AP2A1: variants seen among roughly 807,000 people sequenced by gnomAD.
AP2A1 encodes adaptor related protein complex 2 subunit alpha 1, also known as AP-2 complex subunit alpha-1.
In AP2A1, 21 loss-of-function variants were observed where a neutral mutation model predicts 107.3. The ratio of observed to expected loss-of-function variants is 0.20; its 90% CI spans 0.14 to 0.28. The LOEUF (loss-of-function observed/expected upper bound fraction) is 0.28. AP2A1 is among the 10% of genes least tolerant of loss of function. AP2A1 has a pLI of 1.00. For missense variants in AP2A1, 873 were observed against 1,307.7 expected, an observed-to-expected ratio of 0.67 and a Z score of 5.13; for synonymous variants, 602 against 564.8, an observed-to-expected ratio of 1.07 and a Z score of -0.93.
rs2073255115 is a variant in AP2A1 at position 49,799,818 on chromosome 19, C to CT, written c.1272+53dup. The CT allele has an allele frequency of 1.9e-6, 3 of 1,584,484 alleles. No individual in the cohort carries two copies. The South Asian group carries it at 3.4e-5, about 18-fold the overall frequency. On this transcript the variant is annotated intron_variant, in intron 10 of 22. Coordinates refer to ENST00000354293, the MANE Select transcript of AP2A1 (RefSeq NM_130787.3). ...CTCTTGGGTCTGAGGCAGGAGGTGG[C>CT]TGGGGGCCTGGATTCCTAAGTCTAA...
chr19:49,772,966 G>A (rs891660451), intron 1 of AP2A1, among the ~76,000 whole-genome samples: 25 of 151,850 alleles, frequency 1.6e-4, no homozygotes, highest in African/African-American at 5.1e-4. Flanking sequence ...AAGCAGGAGC[G>A]AGGGAAGAGA....
Position 49,799,538 on chromosome 19 carries a change from A to G in AP2A1, c.1134+43A>G, listed in dbSNP as rs772922267. On this transcript the variant is annotated intron_variant, in intron 9 of 22. Transcript: ENST00000354293. Reference sequence around the variant, plus strand: ...CCACCCCGGGCCTGCCACCCCCCTCAGAAAGACCAGAGGCTCAGAGGCCCT... The same window carrying G: ...CCACCCCGGGCCTGCCACCCCCCTCGGAAAGACCAGAGGCTCAGAGGCCCT... 2.0e-5 allele frequency: 32 copies of G among 1,604,480 alleles called. No homozygotes were observed. In the South Asian group the frequency reaches 3.4e-4, roughly 17 times the overall value.
intron 1 of AP2A1, among the ~76,000 whole-genome samples, chr19:49,774,135 C>G (rs531910964): frequency 2.0e-5 from 3 of 152,314 alleles, no homozygotes; most frequent in Admixed American, 2.0e-4. Flanking sequence ...CCCTTAAGAA[C>G]GGGACAGATG....
Position 49,803,330 on chromosome 19 carries a change from C to A in AP2A1, c.2298C>A (p.Phe766Leu), listed in dbSNP as rs1182953521. 3 of 1,613,818 alleles carry A rather than the reference C, an allele frequency of 1.9e-6. No individual in the cohort carries two copies. The highest frequency in any genetic ancestry group is 2.7e-5 in the African/African-American group (2 of 74,894). ...ATGGCAACAAGACCTCGGTGCAGTT[C>A]CAGAATTTCTCACCCACTGTGGTTC... ...LFYGNKTSVQ[F>L]QNFSPTVVHP... Residue 766 changes from phenylalanine (F) to leucine (L), a missense_variant, in exon 18 of 23, where the codon TTC (phenylalanine) becomes TTA (leucine). Physicochemically the swap from Phe to Leu is conservative, Grantham distance 22 (BLOSUM62 0). This residue lies in a region of AP2A1 where 416 missense variants were observed against 473.4 expected (regional missense o/e 0.88). Coordinates refer to ENST00000354293, the MANE Select transcript of AP2A1 (RefSeq NM_130787.3).
intron 1 of AP2A1, among the ~76,000 whole-genome samples, chr19:49,774,918 CA>C (rs35089200): frequency 0.43 from 52,502 of 120,894 alleles, 9,839 homozygotes; most frequent in African/African-American, 0.55. Flanking sequence ...GACTTTGTCT[CA>C]AAAAAAAAAA....
At chr19:49,769,347 A>G (rs763773562) in intron 1 of AP2A1, among the ~76,000 whole-genome samples, 50 of 152,258 alleles carry the variant, frequency 3.3e-4, no homozygotes, top group East Asian at 1.3e-3. Context: ...CTGATATACA[A>G]CCTCAGGACC....
rs1341197256 is a variant in AP2A1 at position 49,793,240 on chromosome 19, C to T, written c.705+148C>T. 24 of 795,602 alleles carry T rather than the reference C, an allele frequency of 3.0e-5. No homozygotes were observed. The East Asian group carries it at 3.5e-4, about 12-fold the overall frequency. 49.3% of individuals were successfully genotyped at this position (795,602 alleles called of 1,614,324 possible). ...TGAGCTGGATTCATCCTGGCTCGGC[C>T]TCTTCCTGGCTGGGTGGCCCTGGAC... is the stretch of plus-strand genomic sequence containing the variant. On this transcript the variant is annotated intron_variant, in intron 6 of 22. Transcript: ENST00000354293.
intron 15 of AP2A1, 169 bp from the exon 16 acceptor site, chr19:49,802,780 A>T: frequency 9.9e-7 from 1 of 1,011,534 alleles, no homozygotes. Context: ...TTCTATTCCC[A>T]TTGGAGGCCA....
intron 7 of AP2A1, chr19:49,796,280 G>C (rs140604236): frequency 1.3e-5 from 2 of 153,388 alleles, no homozygotes; most frequent in East Asian, 3.8e-4. Context: ...CAGCCAGTGT[G>C]ATATGCACAC....
intron 4 of AP2A1, among the ~76,000 whole-genome samples, chr19:49,790,363 T>C (rs926255595): frequency 6.6e-6 from 1 of 152,198 alleles, no homozygotes; most frequent in African/African-American, 2.4e-5. Context: ...TGGGTCCACC[T>C]GGATCACCCA....
chr19:49,803,410 C>T (rs1038038072), intron 18 of AP2A1, 34 bp downstream of exon 18: 3 of 1,587,678 alleles, frequency 1.9e-6, no homozygotes, highest in African/African-American at 1.3e-5. Context: ...CCTCCTGCCT[C>T]TCCACGTCGG....
At chr19:49,801,326 T>C in intron 12 of AP2A1, 64 bp from the exon 13 acceptor site, 1 of 1,511,526 alleles carries the variant, frequency 6.6e-7, no homozygotes, top group Non-Finnish European at 9.1e-7. Flanking sequence ...GGGGCACCTC[T>C]CGAGGGGGTT....
rs750119739 is a variant in AP2A1 at position 49,806,664 on chromosome 19, C to T, written c.2791-17C>T. The T allele has an allele frequency of 2.4e-5, 39 of 1,612,136 alleles. No individual in the cohort carries two copies. Among genetic ancestry groups the T allele is most frequent in the Non-Finnish European group, 3.1e-5 (37 of 1,179,718 alleles). On this transcript the variant is annotated splice_polypyrimidine_tract_variant and intron_variant, in intron 22 of 22. Transcript: ENST00000354293. ...TCCCCATCTCCTCTGAGTTCTGCCC[C>T]CAATGCCCCCACCCAGATGTACCGG...
At chr19:49,802,576 G>C in intron 15 of AP2A1, 1 of 1,604,352 alleles carries the variant, frequency 6.2e-7, no homozygotes, top group Non-Finnish European at 8.5e-7. Context: ...TGGCTTTGCT[G>C]GCTGACCCAG....
chr19:49,798,020 C>T (rs982805331), intron 7 of AP2A1, among the ~76,000 whole-genome samples: 1 of 152,230 alleles, frequency 6.6e-6, no homozygotes, highest in African/African-American at 2.4e-5. Flanking sequence ...TGCTGTGTGT[C>T]CCATGGTGGC....
chr19:49,770,613 C>G (rs2084546621), intron 1 of AP2A1, among the ~76,000 whole-genome samples: 1 of 152,136 alleles, frequency 6.6e-6, no homozygotes, highest in Admixed American at 6.6e-5. Flanking sequence ...AAAGTGTGGT[C>G]TATGTAGTGG....
chr19:49,803,323 T>G lies in AP2A1; in HGVS notation c.2291T>G (p.Val764Gly), dbSNP rs761984353. ...MYLFYGNKTS[V>G]QFQNFSPTVV... is the part of the protein sequence containing the mutation. ...CTCTTCTATGGCAACAAGACCTCGG[T>G]GCAGTTCCAGAATTTCTCACCCACT... The change falls in exon 18 of 23, where the codon GTG becomes GGG. Residue 764 changes from valine (V) to glycine (G), a missense_variant. This residue lies in a region of AP2A1 where 416 missense variants were observed against 473.4 expected (regional missense o/e 0.88). Transcript: ENST00000354293. 1 of 1,613,908 alleles carries G rather than the reference T, an allele frequency of 6.2e-7. No individual in the cohort carries two copies. Among genetic ancestry groups the G allele is most frequent in the Non-Finnish European group, 8.5e-7 (1 of 1,179,880 alleles).
At chr19:49,798,559 G>T (rs1366815454) in intron 7 of AP2A1, among the ~76,000 whole-genome samples, 4 of 152,198 alleles carry the variant, frequency 2.6e-5, no homozygotes, top group Non-Finnish European at 5.9e-5. Context: ...GTCAGAGCAG[G>T]AGGAGAGCCC....
At position 49,802,556 on chromosome 19, in the gene AP2A1, G is replaced by A. The variant is rs754230824; in HGVS notation, c.2115-393G>A. 112 of 1,606,326 alleles carry A rather than the reference G, an allele frequency of 7.0e-5. No homozygotes were observed. Among genetic ancestry groups the A allele is most frequent in the Non-Finnish European group, 8.5e-5 (100 of 1,179,438 alleles). Reference sequence around the variant, plus strand: ...CAGCGAGCTGGAGCCGCCTGCCCCCGAGAGCCCCATGGCTTTGCTGGCTGA... The same window carrying A: ...CAGCGAGCTGGAGCCGCCTGCCCCCAAGAGCCCCATGGCTTTGCTGGCTGA... On this transcript the variant is annotated intron_variant, in intron 15 of 22. Coordinates refer to ENST00000354293, the MANE Select transcript of AP2A1 (RefSeq NM_130787.3).
Sources: gnomAD v4.1 joint callset for allele counts (sites outside exome capture counted in the v4.1 genomes callset) on GRCh38, gnomAD v4.1.1 for gene constraint, gnomAD v4.1.1 regional missense constraint, MANE v1.5 for transcripts, NCBI Gene and HGNC (gene_info 2026-07-23, HGNC 2026-07-21) for gene names.